Variants in ASTN2 observed in about 807,000 individuals in gnomAD.
The protein encoded by ASTN2 is astrotactin 2.
Under a neutral mutation model 139.8 loss-of-function variants are expected in ASTN2, and 54 were observed. That is an observed-to-expected ratio of 0.39 (90% CI 0.31 to 0.48). ASTN2 has a LOEUF of 0.48. Among genes scored for constraint, ASTN2 ranks in the 20% least tolerant of loss-of-function variants. The pLI, the probability that ASTN2 is intolerant of heterozygous loss-of-function variation, is 0.95. For synonymous variants in ASTN2, 756 were observed against 719.5 expected (o/e 1.05, Z -0.81); for missense variants, 1,565 against 1,725.1 (o/e 0.91, Z 1.64).
chr9:116,994,473 T>C (rs1487726583), intron 7 of ASTN2, among the ~76,000 whole-genome samples: 1 of 152,132 alleles, frequency 6.6e-6, no homozygotes, highest in African/African-American at 2.4e-5. Context: ...ATGAAATATA[T>C]ATGAAATATA....
chr9:116,697,675 C>G (rs1463779799), intron 16 of ASTN2: 1 of 1,598,826 alleles, frequency 6.3e-7, no homozygotes, highest in Non-Finnish European at 8.5e-7. Context: ...GAATTTGACC[C>G]TCTAGGGCAT....
At chr9:117,278,175 T>A (rs1033237925) in intron 2 of ASTN2, among the ~76,000 whole-genome samples, 10 of 152,178 alleles carry the variant, frequency 6.6e-5, no homozygotes, top group African/African-American at 2.4e-4. Flanking sequence ...ATTGAATTAA[T>A]GGAAGAATTA....
intron 20 of ASTN2, among the ~76,000 whole-genome samples, chr9:116,481,908 G>A (rs1283828014): frequency 6.6e-6 from 1 of 152,158 alleles, no homozygotes; most frequent in Non-Finnish European, 1.5e-5. Flanking sequence ...AGAGGAGCAG[G>A]TGGGCATTAA....
chr9:116,953,101 G>A (rs925887643), intron 10 of ASTN2, among the ~76,000 whole-genome samples: 2 of 152,184 alleles, frequency 1.3e-5, no homozygotes, highest in African/African-American at 4.8e-5. Context: ...CTATGGAAAG[G>A]ACAGTTTGTG....
intron 16 of ASTN2, chr9:116,686,826 C>A: frequency 6.4e-7 from 1 of 1,550,398 alleles, no homozygotes; most frequent in Non-Finnish European, 8.7e-7. Flanking sequence ...GTCTCTAGTG[C>A]AGCTCTCTGT....
At chr9:116,917,628 C>T (rs1317031727) in intron 10 of ASTN2, among the ~76,000 whole-genome samples, 1 of 152,196 alleles carries the variant, frequency 6.6e-6, no homozygotes, top group Non-Finnish European at 1.5e-5. Context: ...TGCAACTTGC[C>T]ATGTTCTGGT....
intron 3 of ASTN2, among the ~76,000 whole-genome samples, chr9:117,188,612 A>G (rs1257211044): frequency 6.6e-6 from 1 of 152,188 alleles, no homozygotes; most frequent in Non-Finnish European, 1.5e-5. Flanking sequence ...CTGTCCTGCC[A>G]AAGATGTTAA....
chr9:116,513,299 T>G (rs541339724), intron 19 of ASTN2, among the ~76,000 whole-genome samples: 49 of 152,286 alleles, frequency 3.2e-4, no homozygotes, highest in African/African-American at 1.1e-3. Flanking sequence ...GGTGGAAAAT[T>G]CTTTTATTTA....
At chr9:116,437,025 C>T (rs1293629128) in intron 22 of ASTN2, among the ~76,000 whole-genome samples, 1 of 135,764 alleles carries the variant, frequency 7.4e-6, no homozygotes, top group Non-Finnish European at 1.5e-5. Flanking sequence ...CACACGGACA[C>T]AGGAAGGGGA....
chr9:117,357,072 A>G (rs2130889194), intron 1 of ASTN2, among the ~76,000 whole-genome samples: 1 of 152,254 alleles, frequency 6.6e-6, no homozygotes, highest in South Asian at 2.1e-4. Flanking sequence ...TCAAAATAAA[A>G]CAAAAAAAGA....
At chr9:117,315,288 C>G (rs904949437) in intron 1 of ASTN2, among the ~76,000 whole-genome samples, 2 of 152,158 alleles carry the variant, frequency 1.3e-5, no homozygotes, top group African/African-American at 4.8e-5. Context: ...ATGTAATTCT[C>G]AGCAATGACA....
At chr9:116,565,388 C>CTCTCCAT (rs1564120372) in intron 19 of ASTN2, among the ~76,000 whole-genome samples, 2 of 34,020 alleles carry the variant, frequency 5.9e-5, no homozygotes, top group African/African-American at 1.4e-4. Context: ...TCTCTCTCTC[C>CTCTCCAT]ATATATATAT....
intron 12 of ASTN2, among the ~76,000 whole-genome samples, chr9:116,809,259 T>C (rs1831105108): frequency 6.6e-6 from 1 of 152,210 alleles, no homozygotes; most frequent in African/African-American, 2.4e-5. Context: ...TGGCATTTAG[T>C]TTTGAATGTA....
intron 5 of ASTN2, among the ~76,000 whole-genome samples, chr9:117,064,947 G>T (rs1159443349): frequency 6.6e-6 from 1 of 152,028 alleles, no homozygotes; most frequent in Non-Finnish European, 1.5e-5. Flanking sequence ...TGGAACCTCA[G>T]AATTGACCTT....
intron 7 of ASTN2, among the ~76,000 whole-genome samples, chr9:116,995,637 T>C (rs937134069): frequency 5.3e-5 from 8 of 152,208 alleles, no homozygotes; most frequent in Non-Finnish European, 1.5e-5. Context: ...TATGTGCTGA[T>C]AGCATAGGCT....
At chr9:117,008,447 G>A (rs138129076) in intron 6 of ASTN2, among the ~76,000 whole-genome samples, 188 bp from the exon 7 acceptor site, 10 of 152,240 alleles carry the variant, frequency 6.6e-5, no homozygotes, top group African/African-American at 2.4e-4. Context: ...ATCAAACATG[G>A]GAGATAATTC....
At chr9:117,126,618 G>A (rs886741245) in intron 4 of ASTN2, among the ~76,000 whole-genome samples, 3 of 152,176 alleles carry the variant, frequency 2.0e-5, no homozygotes, top group Non-Finnish European at 2.9e-5. Context: ...ATCTTTGTTG[G>A]AGGAATTAAA....
intron 1 of ASTN2, among the ~76,000 whole-genome samples, chr9:117,366,483 A>C (rs374872856): frequency 2.6e-5 from 4 of 152,248 alleles, no homozygotes; most frequent in East Asian, 1.9e-4. Flanking sequence ...CCAGCTCATC[A>C]ATGTAGATCT....
chr9:117,241,932 CCA>C (rs956025540), intron 2 of ASTN2, among the ~76,000 whole-genome samples: 7 of 147,830 alleles, frequency 4.7e-5, no homozygotes, highest in Admixed American at 1.4e-4. Context: ...TTACCCCCCC[CCA>C]CACACACACA....
Sources: gnomAD v4.1 joint callset for allele counts (sites outside exome capture counted in the v4.1 genomes callset) on GRCh38, gnomAD v4.1.1 for gene constraint, MANE v1.5 for transcripts, NCBI Gene and HGNC (gene_info 2026-07-23, HGNC 2026-07-21) for gene names.